CHRM3: variants seen among roughly 807,000 people sequenced by gnomAD.
The protein encoded by CHRM3 is cholinergic receptor muscarinic 3, also known as muscarinic acetylcholine receptor M3.
In CHRM3, 11 loss-of-function variants were observed where a neutral mutation model predicts 41.8. The observed-to-expected ratio is 0.26, with a 90% CI of 0.17 to 0.44. The LOEUF (loss-of-function observed/expected upper bound fraction) is 0.44. Among genes scored for constraint, CHRM3 ranks in the 20% least tolerant of loss-of-function variants. The pLI is 1.00. For synonymous variants in CHRM3, 297 were observed against 301.4 expected (o/e 0.99, Z 0.15); for missense variants, 571 against 745.4 (o/e 0.77, Z 2.72).
Position 239,484,314 on chromosome 1 carries a change from CTT to C in CHRM3, c.-520-8392_-520-8391del, listed in dbSNP as rs569091990. Among the ~76,000 whole-genome samples the C allele has an allele frequency of 1.2e-4, 18 of 152,194 alleles. No homozygotes were observed. In the South Asian group the frequency reaches 3.7e-3, roughly 32 times the overall value. ...CAAGAGAGAGAGGAGGTGCCATACT[CTT>C]TTAAACAACCAGGTATTCCATGAAC... On this transcript the variant is annotated intron_variant, in intron 1 of 6. Coordinates refer to ENST00000676153, the MANE Select transcript of CHRM3 (RefSeq NM_001375978.1).
intron 5 of CHRM3, among the ~76,000 whole-genome samples, chr1:239,783,365 T>C (rs536001141): frequency 6.6e-6 from 1 of 152,180 alleles, no homozygotes; most frequent in African/African-American, 2.4e-5. Context: ...AAATACATAT[T>C]ATTATGTATG....
At chr1:239,636,133 A>G (rs189520885) in intron 4 of CHRM3, among the ~76,000 whole-genome samples, 214 of 152,310 alleles carry the variant, frequency 1.4e-3, no homozygotes, top group South Asian at 3.9e-3. Context: ...TGGATCTTAC[A>G]TAGATTTATT....
At chr1:239,747,837 G>C (rs1665500288) in intron 5 of CHRM3, among the ~76,000 whole-genome samples, 1 of 152,060 alleles carries the variant, frequency 6.6e-6, no homozygotes, top group African/African-American at 2.4e-5. Flanking sequence ...TTCAAAACCA[G>C]CCTGGCCAAC....
chr1:239,666,584 T>A (rs936160400), intron 4 of CHRM3, among the ~76,000 whole-genome samples: 1 of 152,152 alleles, frequency 6.6e-6, no homozygotes, highest in African/African-American at 2.4e-5. Flanking sequence ...GTGGCTGGAT[T>A]TTTCTTTTCC....
intron 5 of CHRM3, among the ~76,000 whole-genome samples, chr1:239,716,806 G>A (rs1662420553): frequency 6.6e-6 from 1 of 152,020 alleles, no homozygotes; most frequent in Non-Finnish European, 1.5e-5. Context: ...AGGGGAGCGG[G>A]GATGTAGCTC....
chr1:239,425,973 A>C (rs1189236389), intron 1 of CHRM3, among the ~76,000 whole-genome samples: 1 of 151,920 alleles, frequency 6.6e-6, no homozygotes, highest in South Asian at 2.1e-4. Context: ...TTTTTTTTCC[A>C]GTAAGGCTAT....
chr1:239,418,101 C>G (rs945945296), intron 1 of CHRM3, among the ~76,000 whole-genome samples: 1 of 152,070 alleles, frequency 6.6e-6, no homozygotes, highest in African/African-American at 2.4e-5. Context: ...ATTCACTTGC[C>G]GCAGTAGCAG....
At chr1:239,420,323 G>C (rs958509529) in intron 1 of CHRM3, among the ~76,000 whole-genome samples, 2 of 152,174 alleles carry the variant, frequency 1.3e-5, no homozygotes, top group African/African-American at 4.8e-5. Context: ...TGAGCACAGA[G>C]TTGTAGGCAC....
At chr1:239,881,538 T>C (rs1677636988) in intron 6 of CHRM3, among the ~76,000 whole-genome samples, 1 of 152,132 alleles carries the variant, frequency 6.6e-6, no homozygotes, top group South Asian at 2.1e-4. Flanking sequence ...CAATCAGATT[T>C]TCATCAAAGC....
chr1:239,617,194 T>C (rs1244655581), intron 3 of CHRM3, among the ~76,000 whole-genome samples: 1 of 152,186 alleles, frequency 6.6e-6, no homozygotes, highest in South Asian at 2.1e-4. Flanking sequence ...AGTAATCCCA[T>C]TATAACAGTA....
chr1:239,401,482 C>A (rs1476614307), intron 1 of CHRM3, among the ~76,000 whole-genome samples: 2 of 151,896 alleles, frequency 1.3e-5, no homozygotes, highest in Non-Finnish European at 2.9e-5. Flanking sequence ...CAAAATTCTT[C>A]TCTCTCTTTT....
chr1:239,440,542 T>C (rs1663638490), intron 1 of CHRM3, among the ~76,000 whole-genome samples: 2 of 152,168 alleles, frequency 1.3e-5, no homozygotes, highest in South Asian at 4.1e-4. Context: ...TTAGACAATA[T>C]GCATGTATCT....
intron 5 of CHRM3, among the ~76,000 whole-genome samples, chr1:239,746,021 G>C (rs1182182454): frequency 1.3e-5 from 2 of 152,118 alleles, no homozygotes; most frequent in East Asian, 3.9e-4. Flanking sequence ...AAAGGAACTA[G>C]ATTAAATCCC....
intron 4 of CHRM3, among the ~76,000 whole-genome samples, chr1:239,671,672 C>CT (rs61285710): frequency 0.021 from 3,021 of 146,000 alleles, 71 homozygotes; most frequent in East Asian, 0.11. Flanking sequence ...TTTTATTTTA[C>CT]TTTTTTTTTT....
At chr1:239,613,804 A>G (rs1667327169) in intron 3 of CHRM3, among the ~76,000 whole-genome samples, 1 of 151,802 alleles carries the variant, frequency 6.6e-6, no homozygotes, top group African/African-American at 2.4e-5. Context: ...ACATACACTC[A>G]ACCCGCAGTA....
chr1:239,451,388 G>A (rs1479655816), intron 1 of CHRM3, among the ~76,000 whole-genome samples: 1 of 152,176 alleles, frequency 6.6e-6, no homozygotes, highest in African/African-American at 2.4e-5. Flanking sequence ...AAGAAGAGAT[G>A]GATCAGGTCA....
Position 239,526,534 on chromosome 1 carries a change from G to A in CHRM3, c.-421-19107G>A, listed in dbSNP as rs549523767. On this transcript the variant is annotated intron_variant, in intron 2 of 6. Coordinates refer to ENST00000676153, the MANE Select transcript of CHRM3 (RefSeq NM_001375978.1). ...AGTATTTGCTAGAAGCCCCTGTGTGGGTTTGTCTTCCCTTAGCTTTAGCCA... is the reference window on the plus strand; with the variant it reads ...AGTATTTGCTAGAAGCCCCTGTGTGAGTTTGTCTTCCCTTAGCTTTAGCCA... Among the ~76,000 whole-genome samples the A allele has an allele frequency of 6.6e-4, 101 of 152,174 alleles. 1 individual carries two copies. The highest frequency in any genetic ancestry group is 2.4e-3 in the African/African-American group (100 of 41,534).
intron 6 of CHRM3, among the ~76,000 whole-genome samples, chr1:239,845,577 G>A (rs561490609): frequency 1.1e-4 from 17 of 152,280 alleles, no homozygotes; most frequent in South Asian, 4.1e-4. Context: ...ATGTAGTTCC[G>A]TGAGCTTGGA....
Position 239,617,602 on chromosome 1 carries a change from C to T in CHRM3, c.-312-14622C>T, listed in dbSNP as rs141521372. On this transcript the variant is annotated intron_variant, in intron 3 of 6. Coordinates refer to ENST00000676153, the MANE Select transcript of CHRM3 (RefSeq NM_001375978.1). Reference sequence around the variant, plus strand: ...GTAAAAAATTAGCCAGGCATAGTGGCGCATGTCTGTAGTCCCAGCTACCCA... The same window carrying T: ...GTAAAAAATTAGCCAGGCATAGTGGTGCATGTCTGTAGTCCCAGCTACCCA... Among the ~76,000 whole-genome samples the T allele has an allele frequency of 9.9e-3, 1,511 of 152,114 alleles. 29 individuals are homozygous for T. Among genetic ancestry groups the T allele is most frequent in the African/African-American group, 0.033 (1,384 of 41,502 alleles).
Sources: gnomAD v4.1 joint callset for allele counts (sites outside exome capture counted in the v4.1 genomes callset) on GRCh38, gnomAD v4.1.1 for gene constraint, MANE v1.5 for transcripts, NCBI Gene and HGNC (gene_info 2026-07-23, HGNC 2026-07-21) for gene names.